The following TBC1D2B variants were observed in gnomAD, a reference collection of about 807,000 sequenced individuals.
TBC1D2B encodes the protein TBC1 domain family member 2B.
TBC1D2B carries 64 observed loss-of-function variants against 100.8 expected under a neutral mutation model. The observed-to-expected ratio is 0.64, with a 90% CI of 0.52 to 0.78. The LOEUF is 0.78. Ranked by LOEUF, TBC1D2B falls within the 30% of genes least tolerant of loss-of-function variation. TBC1D2B has a pLI of 0.00. For missense variants in TBC1D2B, 1,052 were observed against 1,218.4 expected (o/e 0.86, Z 2.03); for synonymous variants, 480 against 479.7 (o/e 1.00, Z -0.01).
intron 3 of TBC1D2B, among the ~76,000 whole-genome samples, chr15:78,031,980 G>A (rs1265974233): frequency 6.6e-6 from 1 of 152,172 alleles, no homozygotes; most frequent in Non-Finnish European, 1.5e-5. Flanking sequence ...TCTCTGAGAT[G>A]AGAAGATAGA....
At chr15:78,046,490 A>C (rs1191879237) in intron 2 of TBC1D2B, among the ~76,000 whole-genome samples, 4 of 152,134 alleles carry the variant, frequency 2.6e-5, no homozygotes, top group African/African-American at 9.7e-5. Flanking sequence ...TATTCAAGAA[A>C]AATTATTTTC....
intron 8 of TBC1D2B, among the ~76,000 whole-genome samples, chr15:78,015,605 C>T (rs1240075594): frequency 1.3e-5 from 2 of 152,124 alleles, no homozygotes; most frequent in African/African-American, 2.4e-5. Context: ...CCTGGGAACC[C>T]GACTATCCAG....
At chr15:78,012,797 G>C (rs770179708) in intron 9 of TBC1D2B, 26 bp downstream of exon 9, 2 of 1,422,408 alleles carry the variant, frequency 1.4e-6, no homozygotes, top group Admixed American at 5.4e-5. Flanking sequence ...AATGGCAAAT[G>C]GGAACATTTT....
rs1256351984 is a variant in TBC1D2B at position 78,032,355 on chromosome 15, T to C, written c.684-2185A>G. 5.3e-5 allele frequency among the ~76,000 whole-genome samples: 8 copies of C among 152,190 alleles called. No homozygotes were observed. The East Asian group carries it at 1.5e-3, about 29-fold the overall frequency. On this transcript the variant is annotated intron_variant, in intron 3 of 12. Coordinates refer to ENST00000300584, the MANE Select transcript of TBC1D2B (RefSeq NM_144572.2). ...AAAGCAAACTTCAAAAGGATCAAAC[T>C]GTTCCAGAGTCATTTAATACATCCG...
intron 10 of TBC1D2B, 59 bp downstream of exon 10, chr15:78,008,938 G>GT (rs972270622): frequency 1.6e-6 from 2 of 1,236,866 alleles, no homozygotes; most frequent in African/African-American, 3.0e-5. Context: ...TTTAATTCAG[G>GT]TCACATTTCA....
chr15:78,071,367 A>G (rs2073740556), intron 1 of TBC1D2B, among the ~76,000 whole-genome samples: 1 of 152,242 alleles, frequency 6.6e-6, no homozygotes, highest in South Asian at 2.1e-4. Flanking sequence ...AAGTTAAAAC[A>G]CAGCTATACT....
intron 1 of TBC1D2B, among the ~76,000 whole-genome samples, chr15:78,058,719 GC>G (rs1367162630): frequency 2.6e-5 from 4 of 152,146 alleles, no homozygotes; most frequent in African/African-American, 9.7e-5. Context: ...ATCACCATCT[GC>G]CCCCCACCCC....
intron 6 of TBC1D2B, among the ~76,000 whole-genome samples, chr15:78,019,357 G>A (rs12164909): frequency 1.2e-3 from 184 of 152,222 alleles, no homozygotes; most frequent in African/African-American, 4.3e-3. Flanking sequence ...GCCATAGAAA[G>A]CTGCCCAGTT....
Position 78,017,887 on chromosome 15 carries a change from C to T in TBC1D2B, c.1541G>A (p.Arg514Gln), listed in dbSNP as rs1309955488. ...CCTCTCTCTCCTTTCTGCATTTCTT[C>T]GTAGAGCTGAGAGTTCCAAAATCTC... ...NKEILELSAL[R>Q]RNAERRERDL... is the part of the protein sequence containing the mutation. The change falls in exon 7 of 13, where the codon CGA (arginine) becomes CAA (glutamine). Residue 514 changes from arginine to glutamine, a missense_variant. Around this residue, in one of 4 missense-constraint regions of TBC1D2B, gnomAD observed 5 missense variants for 19.1 expected, o/e 0.26. Transcript: ENST00000300584. 1.8e-5 allele frequency: 29 copies of T among 1,611,888 alleles called. No homozygotes were observed. Among genetic ancestry groups the T allele is most frequent in the Non-Finnish European group, 2.4e-5 (28 of 1,179,054 alleles).
At chr15:78,040,855 G>GGAAGAAAGAAAGA (rs2073070015) in intron 3 of TBC1D2B, among the ~76,000 whole-genome samples, 1 of 74,668 alleles carries the variant, frequency 1.3e-5, no homozygotes, top group African/African-American at 4.5e-5. Context: ...AGAAAGAAAG[G>GGAAGAAAGAAAGA]AAGAAAGAAA....
chr15:78,018,166 C>A (rs980672937), intron 6 of TBC1D2B, among the ~76,000 whole-genome samples: 3 of 152,066 alleles, frequency 2.0e-5, no homozygotes, highest in African/African-American at 7.2e-5. Context: ...GCATGACTGC[C>A]GTAACGGAGA....
intron 11 of TBC1D2B, chr15:78,002,730 A>G (rs2071948693): frequency 6.5e-6 from 1 of 153,054 alleles, no homozygotes; most frequent in Non-Finnish European, 1.5e-5. Flanking sequence ...GGCACATGCC[A>G]CTGTGCCCGG....
Position 78,024,184 on chromosome 15 carries a change from C to T in TBC1D2B, c.1442G>A (p.Arg481Lys), listed in dbSNP as rs1053455597. The change falls in exon 6 of 13, where the codon AGG becomes AAG. Residue 481 changes from arginine (R) to lysine (K), a missense_variant. Coordinates refer to ENST00000300584, the MANE Select transcript of TBC1D2B (RefSeq NM_144572.2). ...CAGCCTGTCCAGTTCCAGCTGGTCC[C>T]TGGCAACAGGCACAACCGAAGGGGA... ...PSSPSVVPVA[R>K]DQLELDRLKD... is the part of the protein sequence containing the mutation. 5 of 1,613,364 alleles carry T rather than the reference C, an allele frequency of 3.1e-6. No individual in the cohort carries two copies. The African/African-American group carries it at 5.3e-5, about 17-fold the overall frequency.
intron 12 of TBC1D2B, chr15:77,999,158 A>G (rs1000251364): frequency 2.6e-6 from 1 of 390,016 alleles, no homozygotes; most frequent in Non-Finnish European, 5.3e-6. Flanking sequence ...CCAGGCCCCA[A>G]ATGCTTTGTA....
intron 5 of TBC1D2B, 52 bp downstream of exon 5, chr15:78,025,207 C>T (rs988548534): frequency 2.6e-6 from 4 of 1,518,378 alleles, no homozygotes; most frequent in East Asian, 2.3e-5. Flanking sequence ...TTACTCCTCC[C>T]GTCCTTGGCC....
In TBC1D2B at chr15:78,024,209, A is replaced by G. The variant is rs2072592591; in HGVS notation, c.1417T>C (p.Ser473Pro). ...CTGGCAACAGGCACAACCGAAGGGG[A>G]GCTGGGCGCCACGGTGGGAGGAGGC... ...NGPPPTVAPS[S>P]PSVVPVARDQ... Residue 473 changes from serine (S) to proline (P), a missense_variant, in exon 6 of 13, where the codon TCC becomes CCC. Transcript: ENST00000300584. 1 of 1,613,802 alleles carries G rather than the reference A, an allele frequency of 6.2e-7. No homozygotes were observed. Among genetic ancestry groups the G allele is most frequent in the Non-Finnish European group, 8.5e-7 (1 of 1,179,870 alleles).
intron 11 of TBC1D2B, 132 bp downstream of exon 11, chr15:78,003,173 C>T (rs1596305856): frequency 2.8e-6 from 2 of 708,636 alleles, no homozygotes; most frequent in Non-Finnish European, 4.8e-6. Flanking sequence ...CTAGTGCAGG[C>T]CGTGCTGAGA....
chr15:78,067,932 C>G (rs2073684311), intron 1 of TBC1D2B, among the ~76,000 whole-genome samples: 1 of 152,236 alleles, frequency 6.6e-6, no homozygotes, highest in South Asian at 2.1e-4. Context: ...AGGGAGCTTT[C>G]TTGATAATCA....
Position 78,054,046 on chromosome 15 carries a change from T to C in TBC1D2B, c.502A>G (p.Arg168Gly). ...PGDFPKGLVA[R>G]DNTDLIYPHP... Reference sequence around the variant, plus strand: ...ATTTCTGCCTTACCAGTGTTATCTCTGGCTACAAGACCCTTAGGAAAATCC... The same window carrying C: ...ATTTCTGCCTTACCAGTGTTATCTCCGGCTACAAGACCCTTAGGAAAATCC... Residue 168 changes from arginine to glycine, a missense_variant, in exon 2 of 13, where the codon AGA becomes GGA. Around this residue, in one of 4 missense-constraint regions of TBC1D2B, gnomAD observed 627 missense variants for 646.1 expected, o/e 0.97. Coordinates refer to ENST00000300584, the MANE Select transcript of TBC1D2B (RefSeq NM_144572.2). 5 of 1,613,064 alleles carry C rather than the reference T, an allele frequency of 3.1e-6. No homozygotes were observed. The highest frequency in any genetic ancestry group is 3.4e-6 in the Non-Finnish European group (4 of 1,179,524).
Sources: gnomAD v4.1 joint callset for allele counts (sites outside exome capture counted in the v4.1 genomes callset) on GRCh38, gnomAD v4.1.1 for gene constraint, gnomAD v4.1.1 regional missense constraint, MANE v1.5 for transcripts, NCBI Gene and HGNC (gene_info 2026-07-23, HGNC 2026-07-21) for gene names.